FHOD3: variants seen among roughly 807,000 people sequenced by gnomAD.
The protein encoded by FHOD3 is formin homology 2 domain containing 3, also known as FH1/FH2 domain-containing protein 3.
FHOD3 carries 90 observed loss-of-function variants against 173.0 expected under a neutral mutation model. The ratio of observed to expected loss-of-function variants is 0.52; its 90% confidence interval spans 0.44 to 0.62. FHOD3 has a LOEUF of 0.62. FHOD3 is among the 20% of genes least tolerant of loss of function. The pLI is 0.00. For synonymous variants in FHOD3, 828 were observed against 823.0 expected, an observed-to-expected ratio of 1.01 and a Z score of -0.10; for missense variants, 1,945 against 2,034.7, an observed-to-expected ratio of 0.96 and a Z score of 0.85.
chr18:36,501,975 C>T lies in FHOD3; in HGVS notation c.381C>T (p.Leu127=), dbSNP rs2146047039. Residue 127 remains leucine (L), a synonymous_variant, in exon 4 of 29, where the codon CTC becomes CTT. Transcript: ENST00000590592. ...NSSGRDLRRA[L]FSLKQIFQDD... is the part of the protein sequence containing the mutation. The stretch of plus-strand genomic sequence containing the variant: ...GCGGACGAGATTTGAGAAGGGCCCT[C>T]TTCTCCCTGAAGCAGATATTTCAGG... 6.2e-7 allele frequency: 1 copy of T among 1,606,702 alleles called. No individual in the cohort carries two copies. The highest frequency in any genetic ancestry group is 8.5e-7 in the Non-Finnish European group (1 of 1,175,892).
intron 15 of FHOD3, among the ~76,000 whole-genome samples, chr18:36,684,297 T>C (rs954615543): frequency 6.6e-6 from 1 of 152,150 alleles, no homozygotes; most frequent in Admixed American, 6.5e-5. Context: ...ATATGTAAAA[T>C]GTACAGAATA....
chr18:36,697,700 T>G (rs1057337330), intron 17 of FHOD3, among the ~76,000 whole-genome samples: 10 of 152,212 alleles, frequency 6.6e-5, no homozygotes, highest in African/African-American at 2.4e-4. Flanking sequence ...CAAAGGTTAA[T>G]GATACTTCCT....
At chr18:36,358,333 A>G (rs2046456032) in intron 2 of FHOD3, among the ~76,000 whole-genome samples, 1 of 152,222 alleles carries the variant, frequency 6.6e-6, no homozygotes, top group African/African-American at 2.4e-5. Flanking sequence ...TGCTGCCATC[A>G]TCCATCACTG....
At chr18:36,431,409 C>T (rs558992372) in intron 3 of FHOD3, among the ~76,000 whole-genome samples, 5 of 152,324 alleles carry the variant, frequency 3.3e-5, no homozygotes, top group African/African-American at 1.2e-4. Flanking sequence ...GCCTGAAAAC[C>T]TGACACATGG....
intron 6 of FHOD3, among the ~76,000 whole-genome samples, chr18:36,580,373 T>TC (rs1202205323): frequency 7.9e-5 from 12 of 152,220 alleles, no homozygotes; most frequent in Non-Finnish European, 1.8e-4. Context: ...GCTCCTGTGT[T>TC]CTGCACTGTG....
chr18:36,611,150 A>G (rs1419153070), intron 8 of FHOD3, among the ~76,000 whole-genome samples: 2 of 152,254 alleles, frequency 1.3e-5, no homozygotes, highest in Non-Finnish European at 2.9e-5. Context: ...GGGAGGCCCT[A>G]TTGAATTTAA....
intron 3 of FHOD3, among the ~76,000 whole-genome samples, chr18:36,379,615 C>T (rs1225102941): frequency 6.6e-6 from 1 of 152,138 alleles, no homozygotes; most frequent in Non-Finnish European, 1.5e-5. Flanking sequence ...CATGTGTTAC[C>T]AGATAAGTTT....
At chr18:36,372,984 G>A (rs906228610) in intron 3 of FHOD3, among the ~76,000 whole-genome samples, 1 of 152,066 alleles carries the variant, frequency 6.6e-6, no homozygotes, top group Non-Finnish European at 1.5e-5. Context: ...GTGCCTTTTG[G>A]CAGTGCTGGG....
intron 3 of FHOD3, among the ~76,000 whole-genome samples, chr18:36,498,927 T>C (rs2054879218): frequency 6.6e-6 from 1 of 152,216 alleles, no homozygotes; most frequent in East Asian, 1.9e-4. Context: ...CAACTAATGA[T>C]GATCTTCATT....
intron 17 of FHOD3, 55 bp downstream of exon 17, chr18:36,693,478 C>A: frequency 6.8e-7 from 1 of 1,469,378 alleles, no homozygotes; most frequent in East Asian, 2.4e-5. Flanking sequence ...GACAGGCTTC[C>A]TCAGGGCAGT....
chr18:36,662,804 C>T (rs1185953363), intron 14 of FHOD3, among the ~76,000 whole-genome samples: 1 of 152,158 alleles, frequency 6.6e-6, no homozygotes, highest in African/African-American at 2.4e-5. Context: ...TGTAGGAGAG[C>T]TCTGGAACTT....
At chr18:36,506,243 C>T (rs886241212) in intron 4 of FHOD3, among the ~76,000 whole-genome samples, 2 of 152,298 alleles carry the variant, frequency 1.3e-5, no homozygotes, top group Non-Finnish European at 2.9e-5. Context: ...ATTCTTAGAT[C>T]AATGAGGAAT....
At chr18:36,548,011 G>GT (rs1382624730) in intron 5 of FHOD3, among the ~76,000 whole-genome samples, 1 of 152,188 alleles carries the variant, frequency 6.6e-6, no homozygotes, top group Non-Finnish European at 1.5e-5. Flanking sequence ...GGCCAACATG[G>GT]TGAAACCCTG....
chr18:36,309,906 C>T (rs1047457969), intron 1 of FHOD3, among the ~76,000 whole-genome samples: 8 of 152,190 alleles, frequency 5.3e-5, no homozygotes, highest in African/African-American at 1.9e-4. Flanking sequence ...TCTCATGACC[C>T]TGAAAGAGGG....
chr18:36,394,577 A>G (rs1404681795), intron 3 of FHOD3, among the ~76,000 whole-genome samples: 1 of 152,178 alleles, frequency 6.6e-6, no homozygotes, highest in South Asian at 2.1e-4. Context: ...CACTTAATGT[A>G]CTTGAAGTTT....
rs144621682 is a variant in FHOD3, at chr18:36,442,062, T to G, written c.338-59870T>G. 6.5e-3 allele frequency among the ~76,000 whole-genome samples: 987 copies of G among 152,304 alleles called. 4 individuals carry two copies. Among genetic ancestry groups the G allele is most frequent in the African/African-American group, 0.022 (900 of 41,562 alleles). On this transcript the variant is annotated intron_variant, in intron 3 of 28. Transcript: ENST00000590592. ...GAGAGAGTGTTATTATTTTTCACAA[T>G]TTAGAAGTGTCATTGCCAAAGACTG...
intron 10 of FHOD3, among the ~76,000 whole-genome samples, chr18:36,636,237 C>G (rs1448107588): frequency 1.3e-5 from 2 of 152,178 alleles, no homozygotes; most frequent in Non-Finnish European, 2.9e-5. Context: ...GGTCATCCAG[C>G]TAGAGAATAA....
intron 3 of FHOD3, among the ~76,000 whole-genome samples, chr18:36,470,667 G>C (rs1237985071): frequency 6.6e-6 from 1 of 152,172 alleles, no homozygotes; most frequent in Non-Finnish European, 1.5e-5. Context: ...GGCTTTGTTT[G>C]TTCCCTGGTG....
At chr18:36,621,926 G>A (rs2033741324) in intron 9 of FHOD3, among the ~76,000 whole-genome samples, 1 of 152,216 alleles carries the variant, frequency 6.6e-6, no homozygotes, top group South Asian at 2.1e-4. Flanking sequence ...TAGCCAAGGT[G>A]TGGAACCAAC....
Sources: allele counts gnomAD v4.1 joint callset (sites outside exome capture counted in the v4.1 genomes callset), GRCh38; gene constraint gnomAD v4.1.1; transcripts MANE v1.5; gene names NCBI Gene and HGNC (gene_info 2026-07-23, HGNC 2026-07-21).